The following NDE1 variants were observed in gnomAD, a reference collection of about 807,000 sequenced individuals.
NDE1 encodes the protein nudE neurodevelopment protein 1, also known as nuclear distribution protein nudE homolog 1.
Under a neutral mutation model 43.4 loss-of-function variants are expected in NDE1, and 28 were observed. The ratio of observed to expected loss-of-function variants is 0.65; its 90% CI spans 0.48 to 0.89. The LOEUF is 0.89. Ranked by LOEUF, NDE1 falls within the 40% of genes least tolerant of loss-of-function variation. NDE1 has a pLI of 0.00. For synonymous variants in NDE1, 184 were observed against 172.0 expected (o/e 1.07, Z -0.55); for missense variants, 441 against 434.1 (o/e 1.02, Z -0.14).
chr16:15,688,079 G>A (rs1251596397), intron 5 of NDE1, among the ~76,000 whole-genome samples: 1 of 152,174 alleles, frequency 6.6e-6, no homozygotes, highest in South Asian at 2.1e-4. Flanking sequence ...AGGAAGCCAA[G>A]GTGGGATGAT....
At chr16:15,685,013 G>A (rs980276893) in intron 4 of NDE1, among the ~76,000 whole-genome samples, 1 of 152,140 alleles carries the variant, frequency 6.6e-6, no homozygotes, top group Non-Finnish European at 1.5e-5. Flanking sequence ...TATTCCCCCA[G>A]TAGAAACGTA....
Position 15,704,070 on chromosome 16 carries a change from ACT to A in NDE1, c.947+7213_947+7214del, listed in dbSNP as rs1258689018. 1.2e-6 allele frequency: 2 copies of A among 1,613,598 alleles called. No individual in the cohort carries two copies. Among genetic ancestry groups the A allele is most frequent in the South Asian group, 1.1e-5 (1 of 91,068 alleles). ...CTCAGAACCATCTGCATTTTCAATA[ACT>A]CTACGTCCTCCAGACCTTCTAGAAG... On this transcript the variant is annotated intron_variant, in intron 8 of 8. Transcript: ENST00000396354.
chr16:15,696,655 A>G, intron 7 of NDE1, 54 bp from the exon 8 acceptor site: 1 of 1,613,714 alleles, frequency 6.2e-7, no homozygotes, highest in South Asian at 1.1e-5. Flanking sequence ...GGCTCTGGTA[A>G]GACAGAATAG....
chr16:15,681,886 G>A (rs2038201140), intron 4 of NDE1, among the ~76,000 whole-genome samples: 1 of 152,080 alleles, frequency 6.6e-6, no homozygotes, highest in African/African-American at 2.4e-5. Flanking sequence ...GCTAATTTTT[G>A]TATTTTTAGC....
intron 4 of NDE1, among the ~76,000 whole-genome samples, chr16:15,678,388 G>A (rs1178808124): frequency 6.6e-6 from 1 of 151,888 alleles, no homozygotes; most frequent in Non-Finnish European, 1.5e-5. Flanking sequence ...TTTTTTTGGA[G>A]ACGGAGAGTC....
intron 4 of NDE1, among the ~76,000 whole-genome samples, chr16:15,678,578 T>C (rs996466420): frequency 5.9e-5 from 9 of 152,094 alleles, no homozygotes; most frequent in African/African-American, 2.2e-4. Flanking sequence ...TTGGCCAGGC[T>C]GGTCTCAAAC....
At chr16:15,693,836 A>G (rs974170168) in intron 6 of NDE1, among the ~76,000 whole-genome samples, 1 of 152,148 alleles carries the variant, frequency 6.6e-6, no homozygotes, top group African/African-American at 2.4e-5. Context: ...GCTACTCAAG[A>G]GGCCAAGGCA....
chr16:15,694,053 C>T lies in NDE1; in HGVS notation c.704-112C>T, dbSNP rs1193383145. ...AAGAAATAGGGTAGCTTTTGGGATC[C>T]GAGGAAAGGCGTCAGTGTCCCTCCT... On this transcript the variant is annotated intron_variant, in intron 6 of 8. Coordinates refer to ENST00000396354, the MANE Select transcript of NDE1 (RefSeq NM_017668.3). 14 of 1,270,272 alleles carry T rather than the reference C, an allele frequency of 1.1e-5. No homozygotes were observed. In the South Asian group the frequency reaches 1.2e-4, roughly 10 times the overall value. 78.7% of individuals were successfully genotyped at this position (1,270,272 alleles called of 1,614,324 possible). A position where few individuals can be genotyped will look rare whatever the true frequency, so the allele number is the denominator to read the frequency against.
chr16:15,667,793 G>A (rs936340541), intron 3 of NDE1, among the ~76,000 whole-genome samples: 3 of 151,796 alleles, frequency 2.0e-5, no homozygotes, highest in African/African-American at 7.3e-5. Flanking sequence ...TACCACGCCT[G>A]GCTAATTTTT....
intron 3 of NDE1, among the ~76,000 whole-genome samples, chr16:15,674,897 G>T (rs1841425230): frequency 6.6e-6 from 1 of 152,118 alleles, no homozygotes; most frequent in Non-Finnish European, 1.5e-5. Context: ...TAGAGACTGA[G>T]TCTGGCTCTG....
At position 15,696,784 on chromosome 16, in the gene NDE1, T is replaced by C. The variant is rs769697238; in HGVS notation, c.871T>C (p.Ser291Pro). Residue 291 changes from serine (S) to proline (P), a missense_variant, in exon 8 of 9, where the codon TCT becomes CCT. Coordinates refer to ENST00000396354, the MANE Select transcript of NDE1 (RefSeq NM_017668.3). Reference protein sequence around the residue: ...QSPNRTGGPASGRSSKNRDGG... With the variant: ...QSPNRTGGPAPGRSSKNRDGG... The stretch of plus-strand genomic sequence containing the variant: ...CCCAAACCGAACAGGTGGCCCAGCC[T>C]CTGGGCGGAGCAGCAAGAACAGAGA... 5 of 1,614,190 alleles carry C rather than the reference T, an allele frequency of 3.1e-6. No individual in the cohort carries two copies. The South Asian group carries it at 5.5e-5, about 18-fold the overall frequency.
chr16:15,657,919 C>T (rs893745609), intron 1 of NDE1, among the ~76,000 whole-genome samples: 1 of 152,154 alleles, frequency 6.6e-6, no homozygotes, highest in South Asian at 2.1e-4. Context: ...ACCCTTTTGA[C>T]TTTGAGCAAG....
rs137934837 is a variant in NDE1 at position 15,721,026 on chromosome 16, C to T, written c.948-3165C>T. 3.1e-3 allele frequency: 4,933 copies of T among 1,614,018 alleles called. 7 individuals are homozygous for T. The highest frequency in any genetic ancestry group is 8.9e-3 in the Middle Eastern group (54 of 6,062). Reference sequence around the variant, plus strand: ...CTCCTCCATCTGGGTCTCCAGGGCCCGCTTGGACTTCTCCAGCTCATGGAC... The same window carrying T: ...CTCCTCCATCTGGGTCTCCAGGGCCTGCTTGGACTTCTCCAGCTCATGGAC... On this transcript the variant is annotated intron_variant, in intron 8 of 8. Transcript: ENST00000396354.
chr16:15,706,912 CTGTTT>C (rs1257626558), intron 8 of NDE1, among the ~76,000 whole-genome samples: 1 of 152,084 alleles, frequency 6.6e-6, no homozygotes, highest in Non-Finnish European at 1.5e-5. Context: ...GCAAGATACT[CTGTTT>C]TGGCTGAAGT....
chr16:15,661,800 A>G (rs77985790), intron 1 of NDE1, among the ~76,000 whole-genome samples: 2,945 of 152,178 alleles, frequency 0.019, 75 homozygotes, highest in African/African-American at 0.054. Context: ...CCAATTGCCT[A>G]AGGTAGAGCC....
At chr16:15,721,295 C>T (rs918948935) in intron 8 of NDE1, 101 of 1,187,752 alleles carry the variant, frequency 8.5e-5, no homozygotes, top group Non-Finnish European at 2.3e-5. Context: ...AGTCCAAAAA[C>T]CTCCTTCCAT....
chr16:15,719,509 T>C, intron 8 of NDE1: 1 of 1,605,086 alleles, frequency 6.2e-7, no homozygotes, highest in Non-Finnish European at 8.5e-7. Flanking sequence ...AATCTGGGAA[T>C]GCACAGACTG....
rs1056905473 is a variant in NDE1 at position 15,686,247 on chromosome 16, C to T, written c.387-1128C>T. 3.0e-5 allele frequency: 15 copies of T among 493,610 alleles called. No individual in the cohort carries two copies. In the South Asian group the frequency reaches 3.5e-4, roughly 11 times the overall value. 30.6% of individuals were successfully genotyped at this position (493,610 alleles called of 1,614,324 possible). ...GATTACAGGCGTGAGCCACCGTGTC[C>T]GGGCCTGTATGACTTCTTGCCACCC... On this transcript the variant is annotated intron_variant, in intron 4 of 8. Transcript: ENST00000396354.
chr16:15,668,743 G>A (rs1323106803), intron 3 of NDE1, among the ~76,000 whole-genome samples: 1 of 152,214 alleles, frequency 6.6e-6, no homozygotes, highest in Non-Finnish European at 1.5e-5. Context: ...AGTTTCCTTA[G>A]TGGACAGAGG....
Sources: allele counts gnomAD v4.1 joint callset (sites outside exome capture counted in the v4.1 genomes callset), GRCh38; gene constraint gnomAD v4.1.1; transcripts MANE v1.5; gene names NCBI Gene and HGNC (gene_info 2026-07-23, HGNC 2026-07-21).